Variants in KCNH1 observed in about 807,000 individuals in gnomAD.
KCNH1 encodes voltage-gated delayed rectifier potassium channel KCNH1.
In KCNH1, 27 loss-of-function variants were observed where a neutral mutation model predicts 69.2. That is an observed-to-expected ratio of 0.39 (90% confidence interval 0.29 to 0.54). The LOEUF is 0.54. Ranked by LOEUF, KCNH1 falls within the 20% of genes least tolerant of loss-of-function variation. KCNH1 has a pLI of 0.68. For synonymous variants in KCNH1, 456 were observed against 487.7 expected, an observed-to-expected ratio of 0.93 and a Z score of 0.86; for missense variants, 798 against 1,261.6, an observed-to-expected ratio of 0.63 and a Z score of 5.57.
chr1:211,047,666 T>C (rs1023942723), intron 5 of KCNH1, among the ~76,000 whole-genome samples: 2 of 152,172 alleles, frequency 1.3e-5, no homozygotes, highest in African/African-American at 2.4e-5. Context: ...AGAATATAGA[T>C]ACAAGTGAGT....
At chr1:211,073,868 T>C (rs1690687807) in intron 5 of KCNH1, among the ~76,000 whole-genome samples, 1 of 151,514 alleles carries the variant, frequency 6.6e-6, no homozygotes, top group Non-Finnish European at 1.5e-5. Flanking sequence ...CAGAAAGCAA[T>C]GAAATTGAAA....
intron 7 of KCNH1, among the ~76,000 whole-genome samples, chr1:210,855,101 G>A (rs1021079122): frequency 1.3e-5 from 2 of 152,078 alleles, no homozygotes; most frequent in African/African-American, 4.8e-5. Context: ...AGAGAGTTCT[G>A]GAAGTCTCCT....
chr1:210,848,445 T>C (rs4532912), intron 7 of KCNH1, among the ~76,000 whole-genome samples: 127,705 of 152,204 alleles, frequency 0.84, 53,777 homozygotes, highest in African/African-American at 0.88. Context: ...ATGTTAACAA[T>C]CTACGTTCTA....
rs1329808111 is a variant in KCNH1, at chr1:210,685,715, A to G, written c.2113-1577T>C. 2.3e-5 allele frequency among the ~76,000 whole-genome samples: 3 copies of G among 131,008 alleles called. No homozygotes were observed. In the Admixed American group the frequency reaches 2.3e-4, roughly 10 times the overall value. 85.9% of individuals were successfully genotyped at this position (131,008 alleles called of 152,430 possible). ...GCTCCTGTTGTCCTTGACCTTTCACAGCCCCCAGATGAAGATGACAAGCAA... is the reference window on the plus strand; with the variant it reads ...GCTCCTGTTGTCCTTGACCTTTCACGGCCCCCAGATGAAGATGACAAGCAA... On this transcript the variant is annotated intron_variant, in intron 10 of 10. Transcript: ENST00000271751.
At chr1:211,017,580 C>T (rs17017120) in intron 6 of KCNH1, among the ~76,000 whole-genome samples, 10,975 of 152,150 alleles carry the variant, frequency 0.072, 541 homozygotes, top group South Asian at 0.18. Context: ...AGTAAGAAAA[C>T]GGAAGGACAA....
chr1:211,049,663 G>A (rs1433673383), intron 5 of KCNH1, among the ~76,000 whole-genome samples: 1 of 152,156 alleles, frequency 6.6e-6, no homozygotes, highest in East Asian at 1.9e-4. Context: ...GTGTGGAGGA[G>A]GGCCTGGAAG....
intron 6 of KCNH1, among the ~76,000 whole-genome samples, chr1:210,929,811 T>C (rs1158411446): frequency 1.3e-5 from 2 of 152,156 alleles, no homozygotes; most frequent in African/African-American, 4.8e-5. Context: ...CTAGAACTGA[T>C]AAAAGAATTC....
At chr1:210,993,728 C>T (rs1033374069) in intron 6 of KCNH1, among the ~76,000 whole-genome samples, 5 of 152,098 alleles carry the variant, frequency 3.3e-5, no homozygotes, top group East Asian at 1.9e-4. Context: ...TCCAAAGAAA[C>T]CAGAATTATC....
intron 7 of KCNH1, among the ~76,000 whole-genome samples, chr1:210,913,150 A>G (rs11119628): frequency 0.015 from 2,284 of 152,316 alleles, 37 homozygotes; most frequent in African/African-American, 0.051. Context: ...AACGCATAGT[A>G]GTAGGCAGAA....
chr1:211,021,780 G>A (rs1689590087), intron 5 of KCNH1, among the ~76,000 whole-genome samples: 1 of 151,928 alleles, frequency 6.6e-6, no homozygotes, highest in African/African-American at 2.4e-5. Context: ...TAACCAAAGA[G>A]AAGAAAAATC....
Position 210,839,917 on chromosome 1 carries a change from A to G in KCNH1, c.1463-35751T>C, listed in dbSNP as rs187152680. 6.0e-4 allele frequency among the ~76,000 whole-genome samples: 92 copies of G among 152,292 alleles called. 1 individual carries two copies. The highest frequency in any genetic ancestry group is 2.1e-3 in the African/African-American group (89 of 41,570). On this transcript the variant is annotated intron_variant, in intron 7 of 10. Coordinates refer to ENST00000271751, the MANE Select transcript of KCNH1 (RefSeq NM_172362.3). ...AAGAATCACCTGACGGTCTGTCTAA[A>G]GCGAGATCTATCTGGAACAAAGGAA...
At chr1:211,032,430 C>T (rs1438426454) in intron 5 of KCNH1, among the ~76,000 whole-genome samples, 1 of 152,050 alleles carries the variant, frequency 6.6e-6, no homozygotes, top group East Asian at 1.9e-4. Context: ...TCATATGGAA[C>T]CAAAAAAGAG....
intron 3 of KCNH1, among the ~76,000 whole-genome samples, chr1:211,098,457 C>T (rs916644961): frequency 5.9e-5 from 9 of 151,970 alleles, no homozygotes; most frequent in African/African-American, 1.4e-4. Flanking sequence ...TCAAATAATC[C>T]GTCCTTCAAC....
At chr1:210,882,048 CA>C (rs1372148328) in intron 7 of KCNH1, among the ~76,000 whole-genome samples, 1 of 152,094 alleles carries the variant, frequency 6.6e-6, no homozygotes, top group African/African-American at 2.4e-5. Context: ...AATGATGTGT[CA>C]ATGTAGTTTC....
At chr1:211,058,703 A>G (rs1690362488) in intron 5 of KCNH1, among the ~76,000 whole-genome samples, 2 of 152,176 alleles carry the variant, frequency 1.3e-5, no homozygotes, top group East Asian at 3.9e-4. Flanking sequence ...AAACAACCAG[A>G]AAAACAACAA....
chr1:210,942,228 T>C (rs994615774), intron 6 of KCNH1, among the ~76,000 whole-genome samples: 9 of 152,268 alleles, frequency 5.9e-5, no homozygotes, highest in Middle Eastern at 3.4e-3. Flanking sequence ...CAAAATAAAC[T>C]GCTTTCTTGT....
chr1:210,684,907 A>C (rs1014441310), intron 10 of KCNH1, among the ~76,000 whole-genome samples: 1 of 152,200 alleles, frequency 6.6e-6, no homozygotes, highest in African/African-American at 2.4e-5. Flanking sequence ...AACAACTGTT[A>C]TTATCCCCAT....
At chr1:210,903,582 C>T (rs1441404957) in intron 7 of KCNH1, among the ~76,000 whole-genome samples, 1 of 152,052 alleles carries the variant, frequency 6.6e-6, no homozygotes, top group African/African-American at 2.4e-5. Flanking sequence ...CCAAGAAATA[C>T]CTATGATGTA....
intron 1 of KCNH1, among the ~76,000 whole-genome samples, chr1:211,119,331 GC>G (rs1200372639): frequency 6.6e-6 from 1 of 152,100 alleles, no homozygotes; most frequent in Non-Finnish European, 1.5e-5. Context: ...CCACACTCCA[GC>G]CTGGGTGACA....
Sources: gnomAD v4.1 joint callset for allele counts (sites outside exome capture counted in the v4.1 genomes callset) on GRCh38, gnomAD v4.1.1 for gene constraint, MANE v1.5 for transcripts, NCBI Gene and HGNC (gene_info 2026-07-23, HGNC 2026-07-21) for gene names.